The following TBCD variants were observed in gnomAD, a reference collection of about 807,000 sequenced individuals.
TBCD encodes the protein tubulin-specific chaperone D.
Under a neutral mutation model 169.3 loss-of-function variants are expected in TBCD, and 105 were observed. That is an observed-to-expected ratio of 0.62 (90% CI 0.53 to 0.73). TBCD has a LOEUF of 0.73. TBCD is among the 30% of genes least tolerant of loss of function. TBCD has a pLI of 0.00. For synonymous variants in TBCD, 700 were observed against 643.9 expected, an observed-to-expected ratio of 1.09 and a Z score of -1.32; for missense variants, 1,444 against 1,600.1, an observed-to-expected ratio of 0.90 and a Z score of 1.66.
chr17:82,824,271 T>TC (rs1198877629), intron 13 of TBCD, among the ~76,000 whole-genome samples: 2 of 151,496 alleles, frequency 1.3e-5, no homozygotes, highest in African/African-American at 2.4e-5. Flanking sequence ...AAGCTCCGCC[T>TC]CCCAGGTTCA....
intron 22 of TBCD, among the ~76,000 whole-genome samples, chr17:82,910,420 A>G (rs751054063): frequency 4.6e-5 from 7 of 152,224 alleles, no homozygotes; most frequent in Non-Finnish European, 8.8e-5. Flanking sequence ...CTCATTAAAA[A>G]GTTCAGACTT....
chr17:82,924,890 C>A, intron 26 of TBCD, 49 bp from the exon 27 acceptor site: 1 of 1,468,398 alleles, frequency 6.8e-7, no homozygotes, highest in Non-Finnish European at 9.3e-7. Context: ...TGTGGCTGTA[C>A]ACGATGGGCA....
chr17:82,900,872 A>G (rs1332927556), intron 18 of TBCD, 141 bp downstream of exon 18: 2 of 680,800 alleles, frequency 2.9e-6, no homozygotes. Flanking sequence ...TATGAATTCC[A>G]GTCTTCATGC....
intron 34 of TBCD, among the ~76,000 whole-genome samples, chr17:82,936,138 G>A (rs567761669): frequency 2.6e-5 from 4 of 152,170 alleles, no homozygotes; most frequent in Non-Finnish European, 4.4e-5. Context: ...TCATTATCAC[G>A]CTCACGTGTT....
In TBCD at chr17:82,893,569, A is replaced by G; in HGVS notation, c.1586A>G (p.Asp529Gly). The G allele has an allele frequency of 6.2e-7, 1 of 1,611,596 alleles. No homozygotes were observed. Among genetic ancestry groups the G allele is most frequent in the Non-Finnish European group, 8.5e-7 (1 of 1,178,898 alleles). ...TAGGGCACTTTCCCTCATGGTATTG[A>G]TATTTTGACCACAGCTGACTATTTT... is the stretch of plus-strand genomic sequence containing the variant. ...GRQGTFPHGIDILTTADYFAV... is the reference protein window; with the variant it reads ...GRQGTFPHGIGILTTADYFAV... Residue 529 changes from aspartate (D) to glycine (G), a missense_variant, in exon 17 of 39, where the codon GAT becomes GGT. By Grantham distance (94) the Asp-to-Gly change is moderately conservative. Transcript: ENST00000355528.
intron 13 of TBCD, among the ~76,000 whole-genome samples, chr17:82,826,961 G>T (rs905640689): frequency 6.6e-6 from 1 of 152,082 alleles, no homozygotes. Context: ...ATTAGAGACG[G>T]TGTTTTTCCA....
chr17:82,919,136 G>A (rs554053435), intron 23 of TBCD, among the ~76,000 whole-genome samples: 78 of 152,218 alleles, frequency 5.1e-4, no homozygotes, highest in African/African-American at 1.2e-3. Context: ...TTACGGGGGG[G>A]GCCCAGAGTC....
intron 8 of TBCD, among the ~76,000 whole-genome samples, chr17:82,800,432 A>G (rs1360164073): frequency 6.6e-6 from 1 of 151,332 alleles, no homozygotes; most frequent in Non-Finnish European, 1.5e-5. Context: ...TGTTCTCCCC[A>G]GCCGCAGTGT....
chr17:82,896,264 C>T (rs568142981), intron 17 of TBCD, among the ~76,000 whole-genome samples: 100 of 152,232 alleles, frequency 6.6e-4, no homozygotes, highest in Admixed American at 1.0e-3. Context: ...GACCGTCCCC[C>T]GAGCCTCCAG....
chr17:82,842,875 T>G (rs1053308233), intron 13 of TBCD, among the ~76,000 whole-genome samples: 7 of 149,000 alleles, frequency 4.7e-5, no homozygotes, highest in African/African-American at 1.7e-4. Context: ...CCACCTCCCA[T>G]GTTCACGCCA....
intron 15 of TBCD, among the ~76,000 whole-genome samples, chr17:82,887,202 T>C (rs2146321039): frequency 6.7e-6 from 1 of 148,234 alleles, no homozygotes; most frequent in Non-Finnish European, 1.5e-5. Context: ...CGCGTTTACT[T>C]CTGTGTGATT....
intron 13 of TBCD, among the ~76,000 whole-genome samples, chr17:82,841,042 C>T (rs1245233862): frequency 7.3e-6 from 1 of 137,432 alleles, no homozygotes; most frequent in African/African-American, 2.7e-5. Context: ...TCTTGGCTCA[C>T]TGCGTTTCTC....
rs377514788 is a variant in TBCD, at chr17:82,790,518, C to T, written c.772-7239C>T. Among the ~76,000 whole-genome samples the T allele has an allele frequency of 2.7e-4, 41 of 152,248 alleles. No individual in the cohort carries two copies. In the South Asian group the frequency reaches 7.9e-3, roughly 29 times the overall value. On this transcript the variant is annotated intron_variant, in intron 7 of 38. Transcript: ENST00000355528. ...TGTGTCCTGGTGTCTTTGCTTGGCT[C>T]GCCGGCCTCCATGGGCTCCCCAGGT...
At chr17:82,877,175 A>G (rs1018778866) in intron 14 of TBCD, among the ~76,000 whole-genome samples, 2 of 152,232 alleles carry the variant, frequency 1.3e-5, no homozygotes, top group Admixed American at 1.3e-4. Flanking sequence ...TCTTGTGGCA[A>G]ATGTTAAAGG....
intron 4 of TBCD, among the ~76,000 whole-genome samples, chr17:82,768,091 C>G (rs2048113331): frequency 6.6e-6 from 1 of 152,046 alleles, no homozygotes; most frequent in Non-Finnish European, 1.5e-5. Flanking sequence ...ATCTGTTTTT[C>G]ACTTTTTCAA....
In TBCD at chr17:82,850,535, GTTA is replaced by G. The variant is rs1412004303; in HGVS notation, c.1319-19688_1319-19686del. 3.3e-4 allele frequency among the ~76,000 whole-genome samples: 31 copies of G among 94,900 alleles called. 1 individual carries two copies. The highest frequency in any genetic ancestry group is 7.7e-4 in the African/African-American group (23 of 29,974). The allele number at this position is 94,900 out of a possible 152,430, so 62.3% of individuals were successfully genotyped here. On this transcript the variant is annotated intron_variant, in intron 13 of 38. Coordinates refer to ENST00000355528, the MANE Select transcript of TBCD (RefSeq NM_005993.5). ...CTGTGCTGTTGTTGGCTGTGCTGTT[GTTA>G]GCTGTGCTGTTGTTGGCTGTGCTGT...
intron 34 of TBCD, 51 bp from the exon 35 acceptor site, chr17:82,937,220 C>T: frequency 1.9e-6 from 3 of 1,559,864 alleles, no homozygotes; most frequent in Non-Finnish European, 2.7e-6. Context: ...AAGTGTGCAT[C>T]CCGGGGCTGC....
rs375678553 is a variant in TBCD, at chr17:82,899,303, C to T, written c.1650-1348C>T. On this transcript the variant is annotated intron_variant, in intron 17 of 38. Coordinates refer to ENST00000355528, the MANE Select transcript of TBCD (RefSeq NM_005993.5). ...GTGTGTCCTCAGTGCGTGTGTCCTC[C>T]GCTCACGTGTCCTCAGCGCGCGCGT... is the stretch of plus-strand genomic sequence containing the variant. Among the ~76,000 whole-genome samples the T allele has an allele frequency of 1.3e-4, 19 of 149,820 alleles. No individual in the cohort carries two copies. In the Middle Eastern group the frequency reaches 0.014, roughly 110 times the overall value.
At position 82,920,760 on chromosome 17, in the gene TBCD, G is replaced by A; in HGVS notation, c.2101+142G>A. On this transcript the variant is annotated intron_variant, in intron 24 of 38. Coordinates refer to ENST00000355528, the MANE Select transcript of TBCD (RefSeq NM_005993.5). This position sits in a 1 kb window ranked among gnomAD's most constrained non-coding sequence, Gnocchi z 4.1. ...TATTAATCGGATACGTTGCCTTGAAGTTGTTACAAGAACCTGCTTAAATAA... is the reference window on the plus strand; with the variant it reads ...TATTAATCGGATACGTTGCCTTGAAATTGTTACAAGAACCTGCTTAAATAA... 2 of 819,254 alleles carry A rather than the reference G, an allele frequency of 2.4e-6. No homozygotes were observed. Among genetic ancestry groups the A allele is most frequent in the South Asian group, 3.5e-5 (2 of 57,536 alleles). 50.7% of individuals were successfully genotyped at this position (819,254 alleles called of 1,614,324 possible).
Sources: gnomAD v4.1 joint callset for allele counts (sites outside exome capture counted in the v4.1 genomes callset) on GRCh38, gnomAD v4.1.1 for gene constraint, Gnocchi (gnomAD v3.1) non-coding constraint, MANE v1.5 for transcripts, NCBI Gene and HGNC (gene_info 2026-07-23, HGNC 2026-07-21) for gene names.